The following CLIC4 variants were observed in gnomAD, a reference collection of about 807,000 sequenced individuals.
CLIC4 encodes CLIC family member 4, also known as chloride intracellular channel protein 4.
Under a neutral mutation model 24.6 loss-of-function variants are expected in CLIC4, and 13 were observed. The observed-to-expected ratio is 0.53, with a 90% CI of 0.34 to 0.84. The LOEUF (loss-of-function observed/expected upper bound fraction) is 0.84, where lower values mean the gene tolerates loss of function less well. Ranked by LOEUF, CLIC4 falls within the 40% of genes least tolerant of loss-of-function variation. CLIC4 has a pLI of 0.01. For synonymous variants in CLIC4, 104 were observed against 111.3 expected (o/e 0.93, Z 0.41); for missense variants, 227 against 301.7 (o/e 0.75, Z 1.83).
At chr1:24,836,918 C>T (rs1639891426) in intron 4 of CLIC4, among the ~76,000 whole-genome samples, 1 of 152,104 alleles carries the variant, frequency 6.6e-6, no homozygotes, top group Admixed American at 6.5e-5. Context: ...AAATAATCCA[C>T]AGATTGAAAA....
intron 1 of CLIC4, 34 bp downstream of exon 1, chr1:24,745,659 T>C: frequency 6.7e-7 from 1 of 1,500,524 alleles, no homozygotes; most frequent in Non-Finnish European, 8.9e-7. Flanking sequence ...GCCCGGCAGA[T>C]CCCCCGGCTC....
At chr1:24,829,441 G>A (rs561454919) in intron 4 of CLIC4, among the ~76,000 whole-genome samples, 1 of 152,280 alleles carries the variant, frequency 6.6e-6, no homozygotes, top group South Asian at 2.1e-4. Context: ...TTGATTGGGA[G>A]TAAAAGTTTA....
chr1:24,765,172 G>T (rs554472204), intron 1 of CLIC4, among the ~76,000 whole-genome samples: 2 of 152,176 alleles, frequency 1.3e-5, no homozygotes, highest in South Asian at 2.1e-4. Flanking sequence ...TTAAATGCAT[G>T]AGATAGAAGA....
intron 1 of CLIC4, among the ~76,000 whole-genome samples, chr1:24,786,368 A>G (rs960466749): frequency 6.6e-6 from 1 of 152,256 alleles, no homozygotes; most frequent in Non-Finnish European, 1.5e-5. Context: ...CTATTCTGCA[A>G]TATTGGAGTT....
chr1:24,759,765 G>A (rs1028374585), intron 1 of CLIC4, among the ~76,000 whole-genome samples: 1 of 152,068 alleles, frequency 6.6e-6, no homozygotes, highest in African/African-American at 2.4e-5. Flanking sequence ...CCTCTGCAAC[G>A]TGGGGAAACC....
At chr1:24,793,340 T>G (rs182581838) in intron 1 of CLIC4, 2 of 152,202 alleles carry the variant, frequency 1.3e-5, no homozygotes, top group East Asian at 3.9e-4. Context: ...GTAGGATGAG[T>G]TAGTGCTGTA....
chr1:24,797,925 T>C, intron 2 of CLIC4, 74 bp downstream of exon 2: 1 of 971,044 alleles, frequency 1.0e-6, no homozygotes, highest in Non-Finnish European at 1.6e-6. Flanking sequence ...TTCACCTTGA[T>C]GGCACATATT....
chr1:24,759,295 A>G (rs753707396), intron 1 of CLIC4, among the ~76,000 whole-genome samples: 5 of 152,338 alleles, frequency 3.3e-5, no homozygotes, highest in Admixed American at 6.5e-5. Context: ...AATAGAAGCA[A>G]ACATCAATTG....
intron 1 of CLIC4, among the ~76,000 whole-genome samples, chr1:24,789,780 T>G (rs1173935908): frequency 6.6e-6 from 1 of 152,100 alleles, no homozygotes; most frequent in Non-Finnish European, 1.5e-5. Flanking sequence ...CTGACATACA[T>G]CTTCTATTTT....
chr1:24,840,090 T>A (rs774161108), intron 5 of CLIC4, 49 bp downstream of exon 5: 1 of 1,517,754 alleles, frequency 6.6e-7, no homozygotes, highest in Non-Finnish European at 9.0e-7. Flanking sequence ...TGTATTGTAT[T>A]TACTAAAGTG....
chr1:24,840,630 G>A (rs1639932460), intron 5 of CLIC4, 143 bp from the exon 6 acceptor site: 1 of 654,016 alleles, frequency 1.5e-6, no homozygotes, highest in South Asian at 2.4e-5. Flanking sequence ...ACTCTGGTTA[G>A]AATGATGGTG....
chr1:24,789,046 C>T (rs181993667), intron 1 of CLIC4, among the ~76,000 whole-genome samples: 3 of 152,308 alleles, frequency 2.0e-5, no homozygotes, highest in Admixed American at 6.5e-5. Flanking sequence ...TGATGGGCTT[C>T]GGTGGTCTCT....
In CLIC4 at chr1:24,842,478, T is replaced by C. The variant is rs1290799321; in HGVS notation, c.*1541T>C. The C allele has an allele frequency of 6.6e-6, 1 of 152,198 alleles. No individual in the cohort carries two copies. Among genetic ancestry groups the C allele is most frequent in the African/African-American group, 2.4e-5 (1 of 41,456 alleles). 9.4% of individuals were successfully genotyped at this position (152,198 alleles called of 1,614,324 possible). On this transcript the variant is annotated 3_prime_UTR_variant, in exon 6 of 6. Coordinates refer to ENST00000374379, the MANE Select transcript of CLIC4 (RefSeq NM_013943.3). ...AAATTTTAAGTTTATTGCTTTAAAA[T>C]GGCAGTGTTTCTCCCACTTTGATAT...
chr1:24,821,906 C>T (rs574471052), intron 3 of CLIC4, among the ~76,000 whole-genome samples: 37 of 152,198 alleles, frequency 2.4e-4, no homozygotes, highest in African/African-American at 7.7e-4. Flanking sequence ...TTTGATGCTG[C>T]TTATCCCTCT....
intron 1 of CLIC4, among the ~76,000 whole-genome samples, chr1:24,773,950 C>T (rs1436030139): frequency 6.6e-6 from 1 of 151,616 alleles, no homozygotes; most frequent in Non-Finnish European, 1.5e-5. Context: ...TATAAAGGAG[C>T]ATGTTTCTTT....
intron 3 of CLIC4, among the ~76,000 whole-genome samples, chr1:24,817,232 G>A (rs190751164): frequency 1.3e-5 from 2 of 151,992 alleles, no homozygotes; most frequent in East Asian, 1.9e-4. Flanking sequence ...TAGATCATCA[G>A]ATGAAGGTGA....
At chr1:24,795,235 A>T (rs1023189258) in intron 1 of CLIC4, among the ~76,000 whole-genome samples, 3 of 152,236 alleles carry the variant, frequency 2.0e-5, no homozygotes, top group African/African-American at 7.2e-5. Flanking sequence ...TGATGGGACT[A>T]TAAAAGATTT....
At chr1:24,826,949 A>T in intron 3 of CLIC4, 61 bp from the exon 4 acceptor site, 1 of 1,157,830 alleles carries the variant, frequency 8.6e-7, no homozygotes, top group Non-Finnish European at 1.2e-6. Context: ...TGGTGGTTTG[A>T]GAGAACTTAT....
chr1:24,807,180 G>A (rs750841235), intron 2 of CLIC4, among the ~76,000 whole-genome samples: 10 of 151,482 alleles, frequency 6.6e-5, no homozygotes, highest in Non-Finnish European at 1.2e-4. Context: ...GAATCTTTCT[G>A]TTTAGAGAGC....
Sources: gnomAD v4.1 joint callset for allele counts (sites outside exome capture counted in the v4.1 genomes callset) on GRCh38, gnomAD v4.1.1 for gene constraint, MANE v1.5 for transcripts, NCBI Gene and HGNC (gene_info 2026-07-23, HGNC 2026-07-21) for gene names.